NAB2: variants seen among roughly 807,000 people sequenced by gnomAD.
The protein encoded by NAB2 is NGFI-A binding protein 2, also known as NGFI-A-binding protein 2.
Under a neutral mutation model 44.2 loss-of-function variants are expected in NAB2, and 9 were observed. That is an observed-to-expected ratio of 0.20 (90% CI 0.12 to 0.36). The LOEUF (loss-of-function observed/expected upper bound fraction) is 0.36, where lower values mean the gene tolerates loss of function less well. Among genes scored for constraint, NAB2 ranks in the 10% least tolerant of loss-of-function variants. The probability of loss-of-function intolerance (pLI) is 1.00; values close to 1 mark genes in which losing one functional copy is unlikely to be tolerated. For synonymous variants in NAB2, 342 were observed against 291.0 expected (o/e 1.18, Z -1.78); for missense variants, 514 against 709.0 (o/e 0.73, Z 3.12).
Position 57,089,337 on chromosome 12 carries a change from C to T in NAB2, c.66C>T (p.Thr22=), listed in dbSNP as rs2033120917. The T allele has an allele frequency of 1.3e-6, 2 of 1,573,842 alleles. No individual in the cohort carries two copies. The highest frequency in any genetic ancestry group is 1.3e-5 in the African/African-American group (1 of 74,344). Reference sequence around the variant, plus strand: ...GCGGAGGGGACAGCGCCCGCCGGACCCTGCAGCCCAGACTCAAGTTAGTGG... The same window carrying T: ...GCGGAGGGGACAGCGCCCGCCGGACTCTGCAGCCCAGACTCAAGTTAGTGG... ...PPGGGDSARR[T]LQPRLKPSAR... is the part of the protein sequence containing the mutation. The change falls in exon 1 of 7, where the codon ACC becomes ACT. Residue 22 remains threonine, a synonymous_variant. Transcript: ENST00000300131.
intron 1 of NAB2, among the ~76,000 whole-genome samples, chr12:57,090,576 C>T (rs1256781267): frequency 1.3e-5 from 2 of 152,234 alleles, no homozygotes; most frequent in African/African-American, 4.8e-5. Context: ...GTGGGAAAGC[C>T]AGGGAAGGTG....
At chr12:57,092,656 C>T in intron 3 of NAB2, 75 bp downstream of exon 3, 1 of 1,560,306 alleles carries the variant, frequency 6.4e-7, no homozygotes, top group Non-Finnish European at 8.7e-7. Flanking sequence ...ACCTTCAGCT[C>T]AGGCAGCTCT....
At chr12:57,089,449 GGA>G in intron 1 of NAB2, 95 bp downstream of exon 1, 1 of 1,081,812 alleles carries the variant, frequency 9.2e-7, no homozygotes, top group East Asian at 3.1e-5. Flanking sequence ...GAGGACGTGG[GGA>G]AGCAGGACGG....
chr12:57,094,171 C>T lies in NAB2; in HGVS notation c.1469-441C>T, dbSNP rs531163640. On this transcript the variant is annotated intron_variant, in intron 6 of 6. Transcript: ENST00000300131. ...GGGGGCTCTTCTTGAGGGAGGAGCT[C>T]GGAGGCTGGCTTCCTGTTCTCCCTC... is the stretch of plus-strand genomic sequence containing the variant. Among the ~76,000 whole-genome samples the T allele has an allele frequency of 3.3e-5, 5 of 150,078 alleles. No individual in the cohort carries two copies. The East Asian group carries it at 6.0e-4, about 18-fold the overall frequency.
At chr12:57,093,667 C>T (rs1336122876) in intron 6 of NAB2, 69 bp downstream of exon 6, 3 of 1,396,412 alleles carry the variant, frequency 2.1e-6, no homozygotes, top group Non-Finnish European at 1.9e-6. Flanking sequence ...ATTCTGGTGT[C>T]CTGGGGCCAG....
intron 1 of NAB2, among the ~76,000 whole-genome samples, chr12:57,090,910 T>G (rs886273689): frequency 2.6e-5 from 4 of 152,190 alleles, no homozygotes; most frequent in Non-Finnish European, 5.9e-5. Context: ...TTTTGGGGCT[T>G]CGGGCCAGTC....
At position 57,091,059 on chromosome 12, in the gene NAB2, G is replaced by C; in HGVS notation, c.84-66G>C. ...GGCAGGAAAGAGGGAACAATTGTTA[G>C]TGTGGGTTGGTACCCAGTAGGGGGA... On this transcript the variant is annotated intron_variant, in intron 1 of 6. Transcript: ENST00000300131. This position sits in a 1 kb window ranked among gnomAD's most constrained non-coding sequence, Gnocchi z 7.3. The C allele has an allele frequency of 7.6e-7, 1 of 1,318,088 alleles. No homozygotes were observed. The highest frequency in any genetic ancestry group is 1.0e-6 in the Non-Finnish European group (1 of 965,930). 81.6% of individuals were successfully genotyped at this position (1,318,088 alleles called of 1,614,324 possible).
At chr12:57,092,766 C>T (rs759179075) in intron 3 of NAB2, 151 bp from the exon 4 acceptor site, 3 of 1,313,854 alleles carry the variant, frequency 2.3e-6, no homozygotes, top group African/African-American at 1.5e-5. Flanking sequence ...CCCCAACCCC[C>T]TACAACAATA....
In NAB2 at chr12:57,094,499, A is replaced by C. The variant is rs956204761; in HGVS notation, c.1469-113A>C. 1.8e-5 allele frequency: 15 copies of C among 854,476 alleles called. 1 individual carries two copies. The East Asian group carries it at 1.8e-4, about 11-fold the overall frequency. 52.9% of individuals were successfully genotyped at this position (854,476 alleles called of 1,614,324 possible). A position where few individuals can be genotyped will look rare whatever the true frequency, so the allele number is the denominator to read the frequency against. ...GTGGGCAGGAGGCAGTAATTCAATA[A>C]ACCTAAACTGAGCCCATCTTCACAG... On this transcript the variant is annotated intron_variant, in intron 6 of 6. Transcript: ENST00000300131.
In NAB2 at chr12:57,089,461, G is replaced by C. The variant is rs1238780359; in HGVS notation, c.83+107G>C. ...GGGGAGGACGTGGGGAAGCAGGACG[G>C]GGGTGGGGGGTGGAGACTGATGGAA... On this transcript the variant is annotated intron_variant, in intron 1 of 6. Coordinates refer to ENST00000300131, the MANE Select transcript of NAB2 (RefSeq NM_005967.4). 7.2e-6 allele frequency: 6 copies of C among 830,314 alleles called. No homozygotes were observed. In the East Asian group the frequency reaches 1.8e-4, roughly 25 times the overall value. 51.4% of individuals were successfully genotyped at this position (830,314 alleles called of 1,614,324 possible). A position where few individuals can be genotyped will look rare whatever the true frequency, so the allele number is the denominator to read the frequency against.
intron 1 of NAB2, among the ~76,000 whole-genome samples, chr12:57,090,710 C>T (rs560616994): frequency 6.6e-6 from 1 of 152,278 alleles, no homozygotes; most frequent in South Asian, 2.1e-4. Context: ...GACTTCACTT[C>T]AGTGTTGAGA....
chr12:57,089,430 G>A, intron 1 of NAB2, 76 bp downstream of exon 1: 1 of 1,342,770 alleles, frequency 7.4e-7, no homozygotes, highest in Non-Finnish European at 1.0e-6. Flanking sequence ...AGAGGGCGGA[G>A]GTCGAGGGGA....
Position 57,094,641 on chromosome 12 carries a change from C to G in NAB2, c.1498C>G (p.Pro500Ala). 1.9e-6 allele frequency: 3 copies of G among 1,554,690 alleles called. No homozygotes were observed. Among genetic ancestry groups the G allele is most frequent in the Non-Finnish European group, 2.6e-6 (3 of 1,148,604 alleles). Reference protein sequence around the residue: ...EFEEGLLDRCPAPGPHPALVE... With the variant: ...EFEEGLLDRCAAPGPHPALVE... ...CGAGGAAGGGCTGCTGGACAGATGT[C>G]CTGCCCCAGGACCCCATCCCGCGCT... Residue 500 changes from proline to alanine, a missense_variant, in exon 7 of 7, where the codon CCT (proline) becomes GCT (alanine). Physicochemically the swap from Pro to Ala is conservative, Grantham distance 27. Transcript: ENST00000300131.
In NAB2 at chr12:57,091,657, C is replaced by T. The variant is rs1217988109; in HGVS notation, c.616C>T (p.Pro206Ser). ...AGGAGGAGAAGAGGAGGCTGGCTCG[C>T]CCCCCTTCTCCCCCCCTGCAGGGGG... is the stretch of plus-strand genomic sequence containing the variant. Reference protein sequence around the residue: ...GAGGEEEAGSPPFSPPAGGGV... With the variant: ...GAGGEEEAGSSPFSPPAGGGV... The change falls in exon 2 of 7, where the codon CCC (proline) becomes TCC (serine). Residue 206 changes from proline (P) to serine (S), a missense_variant. By Grantham distance (74) the Pro-to-Ser change is moderately conservative. Coordinates refer to ENST00000300131, the MANE Select transcript of NAB2 (RefSeq NM_005967.4). This position sits in a 1 kb window ranked among gnomAD's most constrained non-coding sequence, Gnocchi z 7.3. 1.9e-6 allele frequency: 3 copies of T among 1,608,226 alleles called. No homozygotes were observed. Among genetic ancestry groups the T allele is most frequent in the Non-Finnish European group, 2.5e-6 (3 of 1,176,854 alleles).
intron 6 of NAB2, 124 bp from the exon 7 acceptor site, chr12:57,094,488 G>T (rs1185957979): frequency 1.3e-6 from 1 of 777,048 alleles, no homozygotes; most frequent in African/African-American, 1.7e-5. Flanking sequence ...GCAGGAGGCA[G>T]TAATTCAATA....
Position 57,094,645 on chromosome 12 carries a change from C to T in NAB2, c.1502C>T (p.Ala501Val). ...GAAGGGCTGCTGGACAGATGTCCTG[C>T]CCCAGGACCCCATCCCGCGCTGGTG... Reference protein sequence around the residue: ...FEEGLLDRCPAPGPHPALVEG... With the variant: ...FEEGLLDRCPVPGPHPALVEG... The change falls in exon 7 of 7, where the codon GCC becomes GTC. Residue 501 changes from alanine to valine, a missense_variant. Transcript: ENST00000300131. The T allele has an allele frequency of 6.4e-7, 1 of 1,554,952 alleles. No individual in the cohort carries two copies. Among genetic ancestry groups the T allele is most frequent in the Non-Finnish European group, 8.7e-7 (1 of 1,148,812 alleles).
intron 6 of NAB2, 139 bp downstream of exon 6, chr12:57,093,737 G>C (rs1451818551): frequency 2.1e-6 from 2 of 941,928 alleles, no homozygotes; most frequent in East Asian, 3.0e-5. Flanking sequence ...GCTCCAGCCA[G>C]CCAGGCCTTG....
chr12:57,090,584 G>T (rs1338820776), intron 1 of NAB2, among the ~76,000 whole-genome samples: 2 of 152,276 alleles, frequency 1.3e-5, no homozygotes, highest in South Asian at 4.1e-4. Context: ...GCCAGGGAAG[G>T]TGCCACACCC....
At position 57,092,904 on chromosome 12, in the gene NAB2, C is replaced by A. The variant is rs751540617; in HGVS notation, c.1092-13C>A. On this transcript the variant is annotated splice_polypyrimidine_tract_variant and intron_variant, in intron 3 of 6. Transcript: ENST00000300131. The stretch of plus-strand genomic sequence containing the variant: ...GTCAGCCTCATCCACTTTATTCTTA[C>A]CCATCTTTTCAGGCTTCACCCTGAA... The A allele has an allele frequency of 8.7e-6, 14 of 1,613,934 alleles. No individual in the cohort carries two copies. The Admixed American group carries it at 2.2e-4, about 25-fold the overall frequency.
Sources: allele counts gnomAD v4.1 joint callset (sites outside exome capture counted in the v4.1 genomes callset), GRCh38; gene constraint gnomAD v4.1.1; non-coding constraint Gnocchi (gnomAD v3.1); transcripts MANE v1.5; gene names NCBI Gene and HGNC (gene_info 2026-07-23, HGNC 2026-07-21).